The following PCNP variants were observed in gnomAD, a reference collection of about 807,000 sequenced individuals.
The protein encoded by PCNP is PEST proteolytic signal-containing nuclear protein.
In PCNP, 6 loss-of-function variants were observed where a neutral mutation model predicts 21.8. The ratio of observed to expected loss-of-function variants is 0.28; its 90% CI spans 0.15 to 0.54. The LOEUF (loss-of-function observed/expected upper bound fraction) is 0.54, where lower values mean the gene tolerates loss of function less well. Ranked by LOEUF, PCNP falls within the 20% of genes least tolerant of loss-of-function variation. The pLI is 0.95. For synonymous variants in PCNP, 67 were observed against 73.2 expected, an observed-to-expected ratio of 0.92 and a Z score of 0.43; for missense variants, 161 against 215.5, an observed-to-expected ratio of 0.75 and a Z score of 1.58.
intron 2 of PCNP, among the ~76,000 whole-genome samples, chr3:101,581,270 C>A (rs1189087691): frequency 6.6e-6 from 1 of 152,002 alleles, no homozygotes; most frequent in Admixed American, 6.6e-5. Flanking sequence ...GACCTAACTG[C>A]ATAAATATTT....
chr3:101,576,560 G>A (rs1292170157), intron 1 of PCNP: 13 of 1,610,744 alleles, frequency 8.1e-6, no homozygotes, highest in African/African-American at 2.7e-5. Context: ...CCTCGGACAC[G>A]AAGGCCCCAG....
Position 101,593,473 on chromosome 3 carries a change from TTTTG to T in PCNP, c.*724_*727del, listed in dbSNP as rs1429920198. Reference sequence around the variant, plus strand: ...GTATTTTGAATGTGCTTCTCTTGTTTTTTGTTTATTAGCTAGTTCCTGTAAGCAT... The same window carrying T: ...GTATTTTGAATGTGCTTCTCTTGTTTTTTATTAGCTAGTTCCTGTAAGCAT... On this transcript the variant is annotated 3_prime_UTR_variant, in exon 5 of 5. Coordinates refer to ENST00000265260, the MANE Select transcript of PCNP (RefSeq NM_020357.3). 3.3e-5 allele frequency: 5 copies of T among 152,660 alleles called. No homozygotes were observed. Among genetic ancestry groups the T allele is most frequent in the Admixed American group, 2.0e-4 (3 of 15,282 alleles). The allele number at this position is 152,660 out of a possible 1,614,324, so 9.5% of individuals were successfully genotyped here. A position where few individuals can be genotyped will look rare whatever the true frequency, so the allele number is the denominator to read the frequency against.
chr3:101,586,422 T>C (rs1002006677), intron 3 of PCNP, among the ~76,000 whole-genome samples: 1 of 152,152 alleles, frequency 6.6e-6, no homozygotes, highest in Middle Eastern at 3.4e-3. Flanking sequence ...CTGACTGATG[T>C]TTTTGTACTA....
chr3:101,588,164 G>A lies in PCNP; in HGVS notation c.355-2051G>A, dbSNP rs576119227. On this transcript the variant is annotated intron_variant, in intron 3 of 4. Coordinates refer to ENST00000265260, the MANE Select transcript of PCNP (RefSeq NM_020357.3). The stretch of plus-strand genomic sequence containing the variant: ...CATAAGCCTGTAATCCCGGCTACTC[G>A]GGAGGCTGAGGCAGGAGAATTGGTT... Among the ~76,000 whole-genome samples, 22 of 152,248 alleles carry A rather than the reference G, an allele frequency of 1.4e-4. 1 individual carries two copies. The highest frequency in any genetic ancestry group is 9.8e-4 in the Admixed American group (15 of 15,288).
intron 3 of PCNP, 83 bp downstream of exon 3, chr3:101,585,594 T>C: frequency 1.3e-6 from 1 of 754,688 alleles, no homozygotes; most frequent in Non-Finnish European, 2.2e-6. Flanking sequence ...GTTATAATAG[T>C]ATTAGTGAAT....
Position 101,581,239 on chromosome 3 carries a change from T to C in PCNP, c.279+1235T>C, listed in dbSNP as rs548649254. On this transcript the variant is annotated intron_variant, in intron 2 of 4. Coordinates refer to ENST00000265260, the MANE Select transcript of PCNP (RefSeq NM_020357.3). The stretch of plus-strand genomic sequence containing the variant: ...TTCAGCTGGTAGTTTTTGTTTAATA[T>C]GTAGTTATAAAACTTGTATAGACCT... 1.2e-4 allele frequency among the ~76,000 whole-genome samples: 19 copies of C among 152,292 alleles called. 1 individual carries two copies. In the South Asian group the frequency reaches 3.9e-3, roughly 32 times the overall value.
intron 4 of PCNP, among the ~76,000 whole-genome samples, chr3:101,591,262 T>C (rs2108293436): frequency 6.6e-6 from 1 of 152,360 alleles, no homozygotes; most frequent in East Asian, 1.9e-4. Context: ...TTGTGTGCAT[T>C]AATGGATAGC....
chr3:101,577,010 A>G lies in PCNP; in HGVS notation c.64+2731A>G. The G allele has an allele frequency of 6.1e-6, 5 of 817,946 alleles. No homozygotes were observed. In the South Asian group the frequency reaches 6.6e-5, roughly 11 times the overall value. The allele number at this position is 817,946 out of a possible 1,614,324, so 50.7% of individuals were successfully genotyped here. On this transcript the variant is annotated intron_variant, in intron 1 of 4. Transcript: ENST00000265260. ...GAGGAGCAATTTTTGTATTTTTAGT[A>G]GAGACGAGATTTCACCATGTTGGCT...
At chr3:101,583,589 C>T (rs1935344298) in intron 2 of PCNP, among the ~76,000 whole-genome samples, 1 of 152,164 alleles carries the variant, frequency 6.6e-6, no homozygotes, top group Admixed American at 6.5e-5. Context: ...GCACTCCATC[C>T]TGGGTGACAG....
At chr3:101,581,762 C>T (rs770882481) in intron 2 of PCNP, among the ~76,000 whole-genome samples, 10 of 150,818 alleles carry the variant, frequency 6.6e-5, no homozygotes, top group Non-Finnish European at 8.9e-5. Flanking sequence ...TTTTTTGAGA[C>T]GGAGTTTAAC....
chr3:101,581,960 G>A (rs572536688), intron 2 of PCNP, among the ~76,000 whole-genome samples: 3 of 149,250 alleles, frequency 2.0e-5, no homozygotes, highest in African/African-American at 4.9e-5. Context: ...GGCTGGTCTC[G>A]AACTCCCGAC....
chr3:101,584,550 G>GT (rs1293141241), intron 2 of PCNP, among the ~76,000 whole-genome samples: 1 of 152,050 alleles, frequency 6.6e-6, no homozygotes, highest in Non-Finnish European at 1.5e-5. Flanking sequence ...AGGAAAGGGT[G>GT]TTTTTATTTT....
intron 3 of PCNP, among the ~76,000 whole-genome samples, chr3:101,589,280 G>A (rs1377861533): frequency 2.6e-5 from 4 of 152,092 alleles, no homozygotes; most frequent in Non-Finnish European, 2.9e-5. Flanking sequence ...CTTTAAGCTG[G>A]ATCAACACCC....
intron 4 of PCNP, among the ~76,000 whole-genome samples, chr3:101,592,340 A>G (rs932957581): frequency 2.3e-4 from 35 of 151,406 alleles, no homozygotes; most frequent in African/African-American, 8.3e-4. Flanking sequence ...TGCCTGGCTA[A>G]TTTTCGTATT....
chr3:101,584,384 C>T (rs1227524185), intron 2 of PCNP, among the ~76,000 whole-genome samples: 2 of 152,116 alleles, frequency 1.3e-5, no homozygotes, highest in African/African-American at 4.8e-5. Flanking sequence ...AGCAGCCCTC[C>T]TGACTCAGCT....
intron 3 of PCNP, among the ~76,000 whole-genome samples, chr3:101,587,250 CAA>C (rs34295234): frequency 6.5e-5 from 8 of 123,390 alleles, no homozygotes; most frequent in African/African-American, 1.1e-4. Context: ...AACTCTGTCT[CAA>C]AAAAAAAAAA....
At position 101,574,251 on chromosome 3, in the gene PCNP, A is replaced by G. The variant is rs1162432739; in HGVS notation, c.36A>G (p.Glu12=). Residue 12 remains glutamate (E), a synonymous_variant, in exon 1 of 5, where the codon GAA becomes GAG. Coordinates refer to ENST00000265260, the MANE Select transcript of PCNP (RefSeq NM_020357.3). ...ADGKAGDEKP[E]KSQRAGAAGG... is the part of the protein sequence containing the mutation. ...GGAAGGCGGGAGACGAGAAGCCTGA[A>G]AAGTCGCAGCGAGCTGGAGCCGCCG... 4 of 1,549,298 alleles carry G rather than the reference A, an allele frequency of 2.6e-6. No individual in the cohort carries two copies. The highest frequency in any genetic ancestry group is 2.4e-5 in the South Asian group (2 of 83,858).
chr3:101,586,571 T>TGTGTGTGTGTGTGTGTGAGAGA, intron 3 of PCNP, among the ~76,000 whole-genome samples: 29 of 114,136 alleles, frequency 2.5e-4, no homozygotes, highest in African/African-American at 7.6e-4. Context: ...TGTGTGTGTG[T>TGTGTGTGTGTGTGTGTGAGAGA]GAGAGAGAGA....
At chr3:101,584,424 GCAC>G (rs1364107354) in intron 2 of PCNP, among the ~76,000 whole-genome samples, 1 of 152,156 alleles carries the variant, frequency 6.6e-6, no homozygotes, top group Non-Finnish European at 1.5e-5. Flanking sequence ...CACATGTGAG[GCAC>G]TGTGCCTGCC....
Sources: gnomAD v4.1 joint callset for allele counts (sites outside exome capture counted in the v4.1 genomes callset) on GRCh38, gnomAD v4.1.1 for gene constraint, MANE v1.5 for transcripts, NCBI Gene and HGNC (gene_info 2026-07-23, HGNC 2026-07-21) for gene names.